The following SQSTM1 variants were observed in gnomAD, a reference collection of about 807,000 sequenced individuals.
SQSTM1 encodes the protein sequestosome-1.
A neutral mutation model predicts 45.1 loss-of-function variants in SQSTM1; 36 were observed. The observed-to-expected ratio is 0.80, with a 90% CI of 0.61 to 1.05. The LOEUF is 1.05. Among genes scored for constraint, SQSTM1 ranks in the 50% least tolerant of loss-of-function variants. The pLI is 0.00. For missense variants in SQSTM1, 617 were observed against 607.1 expected, an observed-to-expected ratio of 1.02 and a Z score of -0.17; for synonymous variants, 290 against 244.3, an observed-to-expected ratio of 1.19 and a Z score of -1.74.
upstream of SQSTM1, among the ~76,000 whole-genome samples, chr5:179,816,842 G>A (rs1757595014): frequency 1.3e-5 from 2 of 152,176 alleles, no homozygotes; most frequent in Non-Finnish European, 2.9e-5. Context: ...CCTATGCTTT[G>A]GGGTACCCCA....
At chr5:179,822,789 A>G (rs2113484544) in intron 1 of SQSTM1, 169 bp from the exon 2 acceptor site, 1 of 697,612 alleles carries the variant, frequency 1.4e-6, no homozygotes, top group Admixed American at 2.0e-5. Flanking sequence ...AGGAGGTGCC[A>G]GAGCAAGGGG....
chr5:179,817,536 G>C (rs187397049), upstream of SQSTM1, among the ~76,000 whole-genome samples: 10 of 152,392 alleles, frequency 6.6e-5, no homozygotes, highest in Admixed American at 4.6e-4. Flanking sequence ...TCCAGTAGGA[G>C]AGGGTCCCTG....
At chr5:179,811,003 G>A (rs1044245148) in intron 1 of SQSTM1, among the ~76,000 whole-genome samples, 21 of 152,204 alleles carry the variant, frequency 1.4e-4, no homozygotes, top group Non-Finnish European at 2.6e-4. Context: ...CCCGCTTTGG[G>A]AGGCCGAGAC....
At position 179,836,730 on chromosome 5, in the gene SQSTM1, T is replaced by C; in HGVS notation, c.*137T>C. 7.5e-7 allele frequency: 1 copy of C among 1,335,428 alleles called. No individual in the cohort carries two copies. Among genetic ancestry groups the C allele is most frequent in the Non-Finnish European group, 1.1e-6 (1 of 934,746 alleles). 82.7% of individuals were successfully genotyped at this position (1,335,428 alleles called of 1,614,324 possible). ...CAGGGGTTAGGGTGCAAGAAGCCATTTAGGGCAGCAAAACAAGTGACATGA... is the reference window on the plus strand; with the variant it reads ...CAGGGGTTAGGGTGCAAGAAGCCATCTAGGGCAGCAAAACAAGTGACATGA... On this transcript the variant is annotated 3_prime_UTR_variant, in exon 8 of 8. Transcript: ENST00000389805.
At chr5:179,829,799 A>G (rs979792171) in intron 5 of SQSTM1, among the ~76,000 whole-genome samples, 4 of 152,332 alleles carry the variant, frequency 2.6e-5, no homozygotes, top group Admixed American at 1.3e-4. Flanking sequence ...CATAGAATGC[A>G]AGATAGTTTC....
chr5:179,834,701 C>T (rs1243360816), intron 7 of SQSTM1, among the ~76,000 whole-genome samples: 2 of 152,164 alleles, frequency 1.3e-5, no homozygotes, highest in African/African-American at 4.8e-5. Flanking sequence ...GTGGACACAG[C>T]ACATGTTTCA....
intron 7 of SQSTM1, chr5:179,835,260 C>G (rs1282596759): frequency 1.1e-5 from 2 of 180,716 alleles, no homozygotes; most frequent in Admixed American, 1.3e-4. Flanking sequence ...CAGGCAGAGA[C>G]GCTCCTCACT....
At chr5:179,811,195 T>A (rs1359074106) in intron 1 of SQSTM1, among the ~76,000 whole-genome samples, 1 of 151,018 alleles carries the variant, frequency 6.6e-6, no homozygotes, top group Admixed American at 6.6e-5. Context: ...ATCGCACCAC[T>A]GCACTCCAGC....
upstream of SQSTM1, among the ~76,000 whole-genome samples, chr5:179,815,898 C>A (rs1020449854): frequency 2.0e-5 from 3 of 152,008 alleles, no homozygotes; most frequent in African/African-American, 7.3e-5. Context: ...CATCCACACA[C>A]CCCACAAAAC....
At chr5:179,815,717 A>G (rs552406257), upstream of SQSTM1, among the ~76,000 whole-genome samples, 2 of 152,282 alleles carry the variant, frequency 1.3e-5, no homozygotes, top group East Asian at 1.9e-4. Context: ...AGCTTTGGCC[A>G]TGGGGTTTAC....
chr5:179,815,478 C>G (rs1325960645), upstream of SQSTM1, among the ~76,000 whole-genome samples: 2 of 152,054 alleles, frequency 1.3e-5, no homozygotes, highest in Non-Finnish European at 2.9e-5. Flanking sequence ...GGTCACTACT[C>G]TTGGATACAA....
chr5:179,823,186 A>G, intron 2 of SQSTM1, 133 bp downstream of exon 2: 1 of 867,270 alleles, frequency 1.2e-6, no homozygotes, highest in Non-Finnish European at 1.9e-6. Flanking sequence ...ACAGAGACAT[A>G]GGCCAGGTGT....
chr5:179,833,231 C>T lies in SQSTM1; in HGVS notation c.954C>T (p.Ser318=), dbSNP rs56092424. The change falls in exon 6 of 8, where the codon TCC becomes TCT. Residue 318 remains serine (S), a synonymous_variant. Transcript: ENST00000389805. ...AEQMRKIALE[S]EGRPEEQMES... is the part of the protein sequence containing the mutation. ...AGATGAGGAAGATCGCCTTGGAGTC[C>T]GAGGGGCGCCCTGAGGCAAGCCTGT... 36,601 of 1,588,584 alleles carry T rather than the reference C, an allele frequency of 0.023. 632 individuals are homozygous for T. The highest frequency in any genetic ancestry group is 0.075 in the African/African-American group (5,589 of 74,470).
intron 2 of SQSTM1, among the ~76,000 whole-genome samples, chr5:179,823,323 G>A (rs1001358115): frequency 3.3e-5 from 5 of 151,576 alleles, no homozygotes; most frequent in African/African-American, 1.2e-4. Context: ...AAAATTAGCC[G>A]GGTGTGGTGG....
At chr5:179,832,945 GTC>G in intron 5 of SQSTM1, 85 bp from the exon 6 acceptor site, 1 of 1,338,100 alleles carries the variant, frequency 7.5e-7, no homozygotes, top group Non-Finnish European at 1.1e-6. Flanking sequence ...ATCTTCGTGA[GTC>G]TGTAGTCTCC....
Position 179,837,765 on chromosome 5 carries a change from G to A in SQSTM1, c.*1172G>A, listed in dbSNP as rs1294310557. On this transcript the variant is annotated 3_prime_UTR_variant, in exon 8 of 8. Transcript: ENST00000389805. ...TTAGAGGATGTGGCTGTAACCTGCT[G>A]GATGGGACTCCATAGCTCCTTCCCA... 2 of 1,614,238 alleles carry A rather than the reference G, an allele frequency of 1.2e-6. No homozygotes were observed. The highest frequency in any genetic ancestry group is 1.7e-6 in the Non-Finnish European group (2 of 1,180,042).
At chr5:179,831,218 G>T (rs1356953277) in intron 5 of SQSTM1, among the ~76,000 whole-genome samples, 1 of 152,234 alleles carries the variant, frequency 6.6e-6, no homozygotes, top group Non-Finnish European at 1.5e-5. Context: ...TCTGCCCAGA[G>T]AGCTGCCAGT....
chr5:179,816,440 C>T (rs1279123587), upstream of SQSTM1, among the ~76,000 whole-genome samples: 1 of 152,212 alleles, frequency 6.6e-6, no homozygotes, highest in Non-Finnish European at 1.5e-5. Flanking sequence ...GCCACCGCGC[C>T]TGGCCTCTTC....
At chr5:179,810,312 C>T (rs1217444311) in intron 1 of SQSTM1, among the ~76,000 whole-genome samples, 1 of 152,102 alleles carries the variant, frequency 6.6e-6, no homozygotes, top group Non-Finnish European at 1.5e-5. Flanking sequence ...CGTTCCCCAC[C>T]CTGTGTCCAA....
Sources: gnomAD v4.1 joint callset for allele counts (sites outside exome capture counted in the v4.1 genomes callset) on GRCh38, gnomAD v4.1.1 for gene constraint, MANE v1.5 for transcripts, NCBI Gene and HGNC (gene_info 2026-07-23, HGNC 2026-07-21) for gene names.